The following QSER1 variants were observed in gnomAD, a reference collection of about 807,000 sequenced individuals.
QSER1 encodes glutamine and serine rich 1.
Under a neutral mutation model 158.5 loss-of-function variants are expected in QSER1, and 49 were observed. The observed-to-expected ratio is 0.31, with a 90% confidence interval of 0.25 to 0.39. QSER1 has a LOEUF of 0.39. Among genes scored for constraint, QSER1 ranks in the 10% least tolerant of loss-of-function variants. The pLI is 1.00. For synonymous variants in QSER1, 650 were observed against 715.5 expected, an observed-to-expected ratio of 0.91 and a Z score of 1.46; for missense variants, 1,754 against 2,010.3, an observed-to-expected ratio of 0.87 and a Z score of 2.44.
At chr11:32,912,649 C>T (rs557957276) in intron 1 of QSER1, among the ~76,000 whole-genome samples, 1 of 152,232 alleles carries the variant, frequency 6.6e-6, no homozygotes, top group Admixed American at 6.5e-5. Context: ...TGGCTCACGC[C>T]TTTAATCCCA....
At chr11:32,953,205 T>C (rs1056013877) in intron 4 of QSER1, among the ~76,000 whole-genome samples, 5 of 152,028 alleles carry the variant, frequency 3.3e-5, no homozygotes, top group African/African-American at 9.7e-5. Flanking sequence ...TTTATAATCA[T>C]TTTAATTTTG....
At chr11:32,914,473 A>T (rs963267416) in intron 1 of QSER1, among the ~76,000 whole-genome samples, 1 of 152,216 alleles carries the variant, frequency 6.6e-6, no homozygotes. Flanking sequence ...TATTTAACAC[A>T]AAAAGAACAA....
At chr11:32,922,006 AATC>A (rs539049913) in intron 1 of QSER1, among the ~76,000 whole-genome samples, 42 of 152,338 alleles carry the variant, frequency 2.8e-4, no homozygotes, top group Non-Finnish European at 5.3e-4. Context: ...GGTAAAGAAT[AATC>A]TTTTCAATAT....
chr11:32,913,391 CAT>C (rs1239418103), intron 1 of QSER1, among the ~76,000 whole-genome samples: 1 of 151,862 alleles, frequency 6.6e-6, no homozygotes, highest in African/African-American at 2.4e-5. Flanking sequence ...GACGAGGTTT[CAT>C]CGTGTTAGCC....
chr11:32,894,185 G>A (rs541781791), intron 1 of QSER1, among the ~76,000 whole-genome samples: 2 of 152,272 alleles, frequency 1.3e-5, no homozygotes, highest in East Asian at 3.9e-4. Context: ...GGGTTCAAGA[G>A]TTCATCTTGC....
intron 4 of QSER1, among the ~76,000 whole-genome samples, chr11:32,948,883 G>A (rs904988954): frequency 6.6e-6 from 1 of 151,658 alleles, no homozygotes; most frequent in Non-Finnish European, 1.5e-5. Flanking sequence ...CTTTATCTAG[G>A]TGCCCACTCC....
intron 4 of QSER1, among the ~76,000 whole-genome samples, chr11:32,944,597 G>C (rs1376001790): frequency 1.3e-5 from 2 of 150,956 alleles, no homozygotes; most frequent in African/African-American, 4.9e-5. Context: ...TGTGGTCTGA[G>C]AGATAGTTTG....
intron 2 of QSER1, among the ~76,000 whole-genome samples, 186 bp from the exon 3 acceptor site, chr11:32,927,776 T>G (rs1476408098): frequency 6.6e-6 from 1 of 152,174 alleles, no homozygotes; most frequent in Non-Finnish European, 1.5e-5. Flanking sequence ...TCATGCATCT[T>G]TGGAGATTTT....
At chr11:32,927,549 A>C (rs1202102839) in intron 2 of QSER1, among the ~76,000 whole-genome samples, 1 of 152,266 alleles carries the variant, frequency 6.6e-6, no homozygotes, top group East Asian at 1.9e-4. Flanking sequence ...CTGGGACTAC[A>C]GGCACCTGCC....
At chr11:32,971,773 C>T (rs988716321) in intron 10 of QSER1, among the ~76,000 whole-genome samples, 2 of 152,052 alleles carry the variant, frequency 1.3e-5, no homozygotes, top group African/African-American at 2.4e-5. Flanking sequence ...TAAAAAGGTA[C>T]CGTTTTCGGG....
intron 1 of QSER1, among the ~76,000 whole-genome samples, chr11:32,904,679 A>C (rs1564925663): frequency 6.6e-6 from 1 of 150,770 alleles, no homozygotes; most frequent in Non-Finnish European, 1.5e-5. Context: ...CTGTTCCTAA[A>C]ATGGTGTTAG....
At chr11:32,949,286 T>C (rs1852385334) in intron 4 of QSER1, among the ~76,000 whole-genome samples, 3 of 152,202 alleles carry the variant, frequency 2.0e-5, no homozygotes, top group African/African-American at 7.2e-5. Context: ...ATGTGACTTG[T>C]TTTGACATAT....
At position 32,934,239 on chromosome 11, in the gene QSER1, C is replaced by A. The variant is rs1463949532; in HGVS notation, c.2981C>A (p.Thr994Lys). Residue 994 changes from threonine (T) to lysine (K), a missense_variant, in exon 4 of 13, where the codon ACA becomes AAA. Around this residue, in one of 2 missense-constraint regions of QSER1, gnomAD observed 1,707 missense variants for 1,919.6 expected, o/e 0.89. Coordinates refer to ENST00000650167, the MANE Select transcript of QSER1 (RefSeq NM_001076786.3). Reference protein sequence around the residue: ...LAATAAACGVTPTDFSKSTSN... With the variant: ...LAATAAACGVKPTDFSKSTSN... Reference sequence around the variant, plus strand: ...GCTACAGCAGCAGCTTGTGGAGTTACACCTACTGATTTTTCCAAGTCAACT... The same window carrying A: ...GCTACAGCAGCAGCTTGTGGAGTTAAACCTACTGATTTTTCCAAGTCAACT... The A allele has an allele frequency of 6.2e-7, 1 of 1,613,900 alleles. No homozygotes were observed. Among genetic ancestry groups the A allele is most frequent in the East Asian group, 2.2e-5 (1 of 44,880 alleles).
intron 5 of QSER1, 80 bp from the exon 6 acceptor site, chr11:32,955,216 G>C (rs930465457): frequency 1.3e-6 from 1 of 757,418 alleles, no homozygotes; most frequent in Non-Finnish European, 2.2e-6. Context: ...AGGCCTTTCA[G>C]ATTCCTTTCA....
Position 32,976,333 on chromosome 11 carries a change from G to T in QSER1, c.5455-1G>T, listed in dbSNP as rs757199836. On this transcript the variant is annotated splice_acceptor_variant, in intron 12 of 12. Coordinates refer to ENST00000650167, the MANE Select transcript of QSER1 (RefSeq NM_001076786.3). LOFTEE classifies it high-confidence loss of function. ...CTAATTTGGCGATTTTCTTTTTTTA[G>T]ATTTCTTCGGTGCAGAAAAAAAATG... The T allele has an allele frequency of 6.3e-7, 1 of 1,577,362 alleles. No individual in the cohort carries two copies. Among genetic ancestry groups the T allele is most frequent in the South Asian group, 1.2e-5 (1 of 83,694 alleles).
chr11:32,955,955 C>G (rs1564943154), intron 6 of QSER1, 33 bp from the exon 7 acceptor site: 2 of 1,576,916 alleles, frequency 1.3e-6, no homozygotes, highest in Non-Finnish European at 8.6e-7. Context: ...CTAGATTGTT[C>G]AATTATGTAA....
chr11:32,976,390 T>C lies in QSER1; in HGVS notation c.5511T>C (p.Leu1837=). 1 of 1,608,814 alleles carries C rather than the reference T, an allele frequency of 6.2e-7. No individual in the cohort carries two copies. The change falls in exon 13 of 13, where the codon CTT becomes CTC. Residue 1837 remains leucine (L), a synonymous_variant. Coordinates refer to ENST00000650167, the MANE Select transcript of QSER1 (RefSeq NM_001076786.3). The part of the protein sequence containing the change: ...EDLGQEEIVQ[L]CMKNVKWVED... ...TAGGACAGGAGGAAATTGTTCAACTTTGTATGAAAAATGTAAAATGGGTGG... is the reference window on the plus strand; with the variant it reads ...TAGGACAGGAGGAAATTGTTCAACTCTGTATGAAAAATGTAAAATGGGTGG...
At chr11:32,917,949 C>T (rs1187404839) in intron 1 of QSER1, among the ~76,000 whole-genome samples, 2 of 151,712 alleles carry the variant, frequency 1.3e-5, no homozygotes, top group African/African-American at 2.4e-5. Context: ...AGGTTTTGGC[C>T]TTATATGAAA....
intron 1 of QSER1, among the ~76,000 whole-genome samples, chr11:32,910,453 C>T (rs549140883): frequency 2.0e-5 from 3 of 152,248 alleles, no homozygotes; most frequent in African/African-American, 4.8e-5. Context: ...AATTAATTTA[C>T]CCTGCTCTGC....
Sources: gnomAD v4.1 joint callset for allele counts (sites outside exome capture counted in the v4.1 genomes callset) on GRCh38, gnomAD v4.1.1 for gene constraint, gnomAD v4.1.1 regional missense constraint, MANE v1.5 for transcripts, NCBI Gene and HGNC (gene_info 2026-07-23, HGNC 2026-07-21) for gene names.